ANKRD44: variants seen among roughly 807,000 people sequenced by gnomAD.
ANKRD44 encodes serine/threonine-protein phosphatase 6 regulatory ankyrin repeat subunit B.
A neutral mutation model predicts 116.0 loss-of-function variants in ANKRD44; 35 were observed. The ratio of observed to expected loss-of-function variants is 0.30; its 90% confidence interval spans 0.23 to 0.40. The LOEUF (loss-of-function observed/expected upper bound fraction) is 0.40. Ranked by LOEUF, ANKRD44 falls within the 10% of genes least tolerant of loss-of-function variation. The pLI, the probability that ANKRD44 is intolerant of heterozygous loss-of-function variation, is 1.00. For synonymous variants in ANKRD44, 435 were observed against 461.8 expected (o/e 0.94, Z 0.74); for missense variants, 1,014 against 1,242.6 (o/e 0.82, Z 2.77).
At chr2:197,157,860 C>A (rs1466946985) in intron 2 of ANKRD44, among the ~76,000 whole-genome samples, 2 of 152,174 alleles carry the variant, frequency 1.3e-5, no homozygotes, top group East Asian at 3.8e-4. Flanking sequence ...TACACTGCAA[C>A]ATGGCAGCAC....
intron 1 of ANKRD44, among the ~76,000 whole-genome samples, chr2:197,225,778 T>A (rs1486727872): frequency 6.6e-6 from 1 of 152,248 alleles, no homozygotes; most frequent in Non-Finnish European, 1.5e-5. Flanking sequence ...CAACAAAATA[T>A]AACTTTTTCC....
intron 16 of ANKRD44, among the ~76,000 whole-genome samples, chr2:197,039,653 G>A (rs941929690): frequency 1.3e-5 from 2 of 148,514 alleles, no homozygotes; most frequent in Non-Finnish European, 3.0e-5. Flanking sequence ...TGCATTACAT[G>A]TGTGTGGTGG....
At chr2:197,255,849 C>T (rs1169570885) in intron 1 of ANKRD44, among the ~76,000 whole-genome samples, 3 of 152,206 alleles carry the variant, frequency 2.0e-5, no homozygotes, top group Non-Finnish European at 4.4e-5. Flanking sequence ...AAGGACCCTG[C>T]GCTTCATGTA....
At chr2:197,182,548 T>C (rs1187873458) in intron 2 of ANKRD44, among the ~76,000 whole-genome samples, 1 of 152,226 alleles carries the variant, frequency 6.6e-6, no homozygotes, top group Non-Finnish European at 1.5e-5. Flanking sequence ...CTGCAAGGAC[T>C]GGACTAGGCG....
intron 2 of ANKRD44, among the ~76,000 whole-genome samples, chr2:197,170,799 T>C (rs1331100590): frequency 6.6e-6 from 1 of 152,196 alleles, no homozygotes; most frequent in Non-Finnish European, 1.5e-5. Flanking sequence ...TGAGATTCTC[T>C]ATTTAAATTG....
chr2:197,018,234 C>G (rs756599998), intron 17 of ANKRD44, among the ~76,000 whole-genome samples: 1 of 152,174 alleles, frequency 6.6e-6, no homozygotes, highest in Non-Finnish European at 1.5e-5. Flanking sequence ...TTGCTTAAAA[C>G]TAGCCTATGA....
intron 9 of ANKRD44, among the ~76,000 whole-genome samples, chr2:197,105,947 T>A (rs1574466541): frequency 6.6e-6 from 1 of 152,156 alleles, no homozygotes; most frequent in Non-Finnish European, 1.5e-5. Flanking sequence ...TCAATCCACA[T>A]CCTTCCCAGC....
At chr2:197,185,795 TGAC>T (rs775914776) in intron 2 of ANKRD44, among the ~76,000 whole-genome samples, 1 of 152,236 alleles carries the variant, frequency 6.6e-6, no homozygotes, top group Non-Finnish European at 1.5e-5. Flanking sequence ...CTACTGCCTG[TGAC>T]TTCAGAGGGC....
intron 16 of ANKRD44, among the ~76,000 whole-genome samples, chr2:197,061,729 A>G (rs1208848830): frequency 6.6e-6 from 1 of 150,770 alleles, no homozygotes; most frequent in Admixed American, 6.6e-5. Flanking sequence ...TTAATGTGGC[A>G]TATTTTTTAC....
intron 1 of ANKRD44, among the ~76,000 whole-genome samples, chr2:197,221,499 T>C (rs2081586262): frequency 6.6e-6 from 1 of 152,180 alleles, no homozygotes; most frequent in South Asian, 2.1e-4. Flanking sequence ...GCTGGAAATC[T>C]TTTTTAATGT....
intron 8 of ANKRD44, among the ~76,000 whole-genome samples, chr2:197,111,638 C>CAAA (rs5837523): frequency 7.4e-6 from 1 of 134,934 alleles, no homozygotes; most frequent in African/African-American, 2.9e-5. Flanking sequence ...GACTCTGTCT[C>CAAA]AAAAAAAAAA....
chr2:197,290,809 T>TTTTTTG (rs1553551301), intron 1 of ANKRD44, among the ~76,000 whole-genome samples: 2 of 151,778 alleles, frequency 1.3e-5, no homozygotes, highest in Admixed American at 6.6e-5. Flanking sequence ...TTGTTTTTTG[T>TTTTTTG]TTTTTGTTTT....
At chr2:197,124,852 G>A (rs1034509452) in intron 6 of ANKRD44, among the ~76,000 whole-genome samples, 1 of 152,236 alleles carries the variant, frequency 6.6e-6, no homozygotes, top group Admixed American at 6.5e-5. Context: ...ACTCTCCCAA[G>A]CGGGTAGAAA....
At chr2:197,074,847 G>A (rs768001318) in intron 16 of ANKRD44, among the ~76,000 whole-genome samples, 1 of 151,958 alleles carries the variant, frequency 6.6e-6, no homozygotes, top group Non-Finnish European at 1.5e-5. Flanking sequence ...CTAAAGTCCG[G>A]TGATAAACAC....
intron 10 of ANKRD44, among the ~76,000 whole-genome samples, chr2:197,098,761 C>A (rs1385575130): frequency 2.0e-5 from 3 of 152,192 alleles, no homozygotes; most frequent in Non-Finnish European, 4.4e-5. Context: ...AATTAAGTCA[C>A]TTAATCCTCA....
At chr2:197,022,080 T>C (rs1335697900) in intron 17 of ANKRD44, among the ~76,000 whole-genome samples, 3 of 152,364 alleles carry the variant, frequency 2.0e-5, no homozygotes, top group Non-Finnish European at 4.4e-5. Context: ...AGGTTTCTTG[T>C]AGCAGTCAAG....
At chr2:197,227,355 G>C (rs2081741406) in intron 1 of ANKRD44, among the ~76,000 whole-genome samples, 1 of 152,192 alleles carries the variant, frequency 6.6e-6, no homozygotes. Flanking sequence ...AATTAGAGCA[G>C]GGACCTGGAA....
rs150062198 is a variant in ANKRD44, at chr2:197,083,485, C to T, written c.1341G>A (p.Ala447=). ...CGRTPLHYAA[A]NCHFHCIETL... ...TCTCAATACAGTGGAAATGACAATT[C>T]GCAGCTGCATAGTGCAAAGGGGTCC... Residue 447 remains alanine (A), a synonymous_variant, in exon 14 of 28, where the codon GCG becomes GCA. Transcript: ENST00000282272. 4.7e-4 allele frequency: 760 copies of T among 1,613,502 alleles called. 3 individuals are homozygous for T. The Middle Eastern group carries it at 8.1e-3, about 17-fold the overall frequency.
At chr2:197,042,445 A>G (rs1370572292) in intron 16 of ANKRD44, among the ~76,000 whole-genome samples, 1 of 151,764 alleles carries the variant, frequency 6.6e-6, no homozygotes, top group Non-Finnish European at 1.5e-5. Flanking sequence ...ATAAGACTCA[A>G]TTCCTATTGC....
Sources: gnomAD v4.1 joint callset for allele counts (sites outside exome capture counted in the v4.1 genomes callset) on GRCh38, gnomAD v4.1.1 for gene constraint, MANE v1.5 for transcripts, NCBI Gene and HGNC (gene_info 2026-07-23, HGNC 2026-07-21) for gene names.